SLIT3: variants seen among roughly 807,000 people sequenced by gnomAD.
SLIT3 encodes the protein slit homolog 3 protein.
A neutral mutation model predicts 184.0 loss-of-function variants in SLIT3; 68 were observed. The observed-to-expected ratio is 0.37, with a 90% CI of 0.30 to 0.45. SLIT3 has a LOEUF of 0.45. Among genes scored for constraint, SLIT3 ranks in the 20% least tolerant of loss-of-function variants. The pLI, the probability that SLIT3 is intolerant of heterozygous loss-of-function variation, is 1.00. For missense variants in SLIT3, 1,707 were observed against 2,026.0 expected, an observed-to-expected ratio of 0.84 and a Z score of 3.02; for synonymous variants, 831 against 828.6, an observed-to-expected ratio of 1.00 and a Z score of -0.05.
At chr5:169,013,534 T>TA (rs1472934240) in intron 4 of SLIT3, 4 of 152,194 alleles carry the variant, frequency 2.6e-5, no homozygotes, top group Non-Finnish European at 5.9e-5. Context: ...AGGTTTCGTT[T>TA]TTCAAAGGGC....
At chr5:168,749,360 T>C in intron 19 of SLIT3, 112 bp downstream of exon 19, 1 of 1,270,582 alleles carries the variant, frequency 7.9e-7, no homozygotes, top group Non-Finnish European at 1.1e-6. Context: ...TCCAGCTGCA[T>C]GCCCAAAGCA....
intron 1 of SLIT3, among the ~76,000 whole-genome samples, chr5:169,270,924 A>T (rs1766583784): frequency 6.6e-6 from 1 of 152,174 alleles, no homozygotes; most frequent in African/African-American, 2.4e-5. Flanking sequence ...TTGGGTTAAG[A>T]ACTAGGCAAG....
intron 4 of SLIT3, among the ~76,000 whole-genome samples, chr5:169,004,354 G>T (rs902138498): frequency 1.5e-4 from 23 of 152,274 alleles, no homozygotes; most frequent in Admixed American, 1.3e-3. Context: ...GGGCTGCCAG[G>T]GTAAATCACT....
At position 168,663,508 on chromosome 5, in the gene SLIT3, C is replaced by G. The variant is rs1216571746; in HGVS notation, c.*2946G>C. 3 of 152,432 alleles carry G rather than the reference C, an allele frequency of 2.0e-5. No homozygotes were observed. The East Asian group carries it at 5.8e-4, about 29-fold the overall frequency. 9.4% of individuals were successfully genotyped at this position (152,432 alleles called of 1,614,324 possible). ...CCTCTTTCAGGCCTTTATGCTGCCA[C>G]AGCTCTCTTCCTAAACCAGAGCTTG... On this transcript the variant is annotated 3_prime_UTR_variant, in exon 36 of 36. Transcript: ENST00000519560.
chr5:169,105,930 A>G (rs1760190841), intron 4 of SLIT3, among the ~76,000 whole-genome samples: 1 of 152,012 alleles, frequency 6.6e-6, no homozygotes. Flanking sequence ...ATGTGCATGT[A>G]TCTTTATAAT....
chr5:168,804,019 AG>A (rs1756861611), intron 9 of SLIT3, among the ~76,000 whole-genome samples: 1 of 150,044 alleles, frequency 6.7e-6, no homozygotes, highest in Non-Finnish European at 1.5e-5. Flanking sequence ...AAAATGATGA[AG>A]GGGAGGGCGG....
At chr5:169,017,225 C>T (rs1327027378) in intron 4 of SLIT3, among the ~76,000 whole-genome samples, 1 of 152,084 alleles carries the variant, frequency 6.6e-6, no homozygotes, top group African/African-American at 2.4e-5. Flanking sequence ...ACATCTATGG[C>T]CTTTACTTTG....
At chr5:168,994,442 G>T (rs550456954) in intron 4 of SLIT3, among the ~76,000 whole-genome samples, 14 of 151,904 alleles carry the variant, frequency 9.2e-5, no homozygotes, top group Non-Finnish European at 1.9e-4. Flanking sequence ...TACCATCCCA[G>T]AATTTAGTTA....
At chr5:168,726,127 T>G (rs1321569370) in intron 20 of SLIT3, among the ~76,000 whole-genome samples, 1 of 151,904 alleles carries the variant, frequency 6.6e-6, no homozygotes, top group African/African-American at 2.4e-5. Context: ...TGAACCAGAT[T>G]CCATTTCTGT....
intron 32 of SLIT3, among the ~76,000 whole-genome samples, chr5:168,681,446 C>G (rs190288100): frequency 1.3e-5 from 2 of 152,280 alleles, no homozygotes; most frequent in African/African-American, 4.8e-5. Context: ...TCTGGAATTG[C>G]TAGAGCCTTG....
chr5:169,281,468 C>A (rs966330809), intron 1 of SLIT3, among the ~76,000 whole-genome samples: 1 of 152,182 alleles, frequency 6.6e-6, no homozygotes, highest in Admixed American at 6.5e-5. Flanking sequence ...GAGCAAGAAT[C>A]TGTCTCAACT....
intron 27 of SLIT3, among the ~76,000 whole-genome samples, chr5:168,697,837 G>A (rs1762105459): frequency 6.6e-6 from 1 of 152,204 alleles, no homozygotes; most frequent in East Asian, 1.9e-4. Flanking sequence ...GTAGGTTTCT[G>A]AAAGTCCTAA....
intron 4 of SLIT3, among the ~76,000 whole-genome samples, chr5:168,943,535 C>G (rs1299456509): frequency 1.3e-5 from 2 of 152,188 alleles, no homozygotes; most frequent in African/African-American, 4.8e-5. Flanking sequence ...CTGGGTGACT[C>G]TAGATTAGCT....
intron 4 of SLIT3, among the ~76,000 whole-genome samples, chr5:169,094,069 A>G (rs1759687157): frequency 6.6e-6 from 1 of 152,226 alleles, no homozygotes; most frequent in South Asian, 2.1e-4. Flanking sequence ...CCATTTATAG[A>G]TGATGGAACT....
intron 27 of SLIT3, among the ~76,000 whole-genome samples, chr5:168,698,398 A>G (rs1179981491): frequency 6.6e-6 from 1 of 152,162 alleles, no homozygotes; most frequent in Non-Finnish European, 1.5e-5. Flanking sequence ...GAAAGCAGAC[A>G]CAGAGAGAGC....
intron 4 of SLIT3, among the ~76,000 whole-genome samples, chr5:168,986,662 C>A (rs558662323): frequency 1.3e-5 from 2 of 152,138 alleles, no homozygotes; most frequent in African/African-American, 2.4e-5. Flanking sequence ...CCACCACAAG[C>A]AGTTTTAGCA....
At chr5:169,182,463 G>A (rs554600204) in intron 4 of SLIT3, among the ~76,000 whole-genome samples, 2 of 152,320 alleles carry the variant, frequency 1.3e-5, no homozygotes, top group East Asian at 1.9e-4. Context: ...AAGATACTGA[G>A]TCCATAGGAA....
intron 4 of SLIT3, among the ~76,000 whole-genome samples, chr5:169,113,589 G>A (rs1297693913): frequency 6.6e-6 from 1 of 151,778 alleles, no homozygotes; most frequent in Non-Finnish European, 1.5e-5. Flanking sequence ...GGTTCCATCT[G>A]GGTTCCTACC....
At chr5:168,938,660 T>C (rs1199749225) in intron 4 of SLIT3, among the ~76,000 whole-genome samples, 1 of 152,206 alleles carries the variant, frequency 6.6e-6, no homozygotes, top group Non-Finnish European at 1.5e-5. Context: ...AGACGGAGTC[T>C]CACTCTGTCA....
Sources: gnomAD v4.1 joint callset for allele counts (sites outside exome capture counted in the v4.1 genomes callset) on GRCh38, gnomAD v4.1.1 for gene constraint, MANE v1.5 for transcripts, NCBI Gene and HGNC (gene_info 2026-07-23, HGNC 2026-07-21) for gene names.